RARA: variants seen among roughly 807,000 people sequenced by gnomAD.
RARA encodes PML-DDX5-RARA fusion.
In RARA, 5 loss-of-function variants were observed where a neutral mutation model predicts 42.8. That is an observed-to-expected ratio of 0.12 (90% CI 0.06 to 0.25). RARA has a LOEUF of 0.25. RARA is among the 10% of genes least tolerant of loss of function. RARA has a pLI of 1.00. For synonymous variants in RARA, 256 were observed against 259.5 expected, an observed-to-expected ratio of 0.99 and a Z score of 0.13; for missense variants, 402 against 628.7, an observed-to-expected ratio of 0.64 and a Z score of 3.86.
chr17:40,342,227 G>T (rs2034082281), intron 2 of RARA: 1 of 1,055,574 alleles, frequency 9.5e-7, no homozygotes, highest in Non-Finnish European at 1.1e-6. Context: ...GCGGAACCGC[G>T]CGGGATCCCC....
In RARA at chr17:40,351,351, G is replaced by C. The variant is rs1163437742; in HGVS notation, c.470-559G>C. The stretch of plus-strand genomic sequence containing the variant: ...ACGACCCCATCGCTTCTTTAAAGCC[G>C]AGTGGTGTGTGCGGCTCAGCGCCCC... On this transcript the variant is annotated intron_variant, in intron 4 of 8. Transcript: ENST00000254066. The surrounding 1 kb of genome is among the most constrained non-coding windows in gnomAD (Gnocchi z 4.1). The C allele has an allele frequency of 5.9e-6, 2 of 338,698 alleles. No homozygotes were observed. The highest frequency in any genetic ancestry group is 1.3e-5 in the Non-Finnish European group (2 of 157,246). The allele number at this position is 338,698 out of a possible 1,614,324, so 21.0% of individuals were successfully genotyped here.
chr17:40,316,607 C>T (rs1884851457), intron 1 of RARA, among the ~76,000 whole-genome samples: 2 of 152,200 alleles, frequency 1.3e-5, no homozygotes, highest in South Asian at 4.1e-4. Context: ...TCCGTGGGCA[C>T]TAGGGGCGGG....
intron 1 of RARA, among the ~76,000 whole-genome samples, chr17:40,316,900 G>A (rs977737084): frequency 6.6e-6 from 1 of 152,124 alleles, no homozygotes; most frequent in Non-Finnish European, 1.5e-5. Context: ...GGCGGGAAGG[G>A]GCCTGGGGAA....
At position 40,351,227 on chromosome 17, in the gene RARA, CCCCT is replaced by C. The variant is rs1483058805; in HGVS notation, c.470-678_470-675del. On this transcript the variant is annotated intron_variant, in intron 4 of 8. Transcript: ENST00000254066. The surrounding 1 kb of genome is among the most constrained non-coding windows in gnomAD (Gnocchi z 4.1). ...ATGCCAGCTACCCCCACCTCGCTACCCCCTCCCTGAGCCCCTCCCCCACCCTCCC... is the reference window on the plus strand; with the variant it reads ...ATGCCAGCTACCCCCACCTCGCTACCCCCTGAGCCCCTCCCCCACCCTCCC... 6.6e-6 allele frequency among the ~76,000 whole-genome samples: 1 copy of C among 151,654 alleles called. No homozygotes were observed. Among genetic ancestry groups the C allele is most frequent in the Non-Finnish European group, 1.5e-5 (1 of 67,914 alleles).
chr17:40,341,209 T>G (rs2034021963), intron 2 of RARA: 1 of 719,494 alleles, frequency 1.4e-6, no homozygotes, highest in Non-Finnish European at 2.0e-6. Context: ...CTCTTCCTTT[T>G]ATCTCTCCAG....
At position 40,356,138 on chromosome 17, in the gene RARA, G is replaced by A. The variant is rs553921530; in HGVS notation, c.1301G>A (p.Gly434Glu). 10 of 1,554,238 alleles carry A rather than the reference G, an allele frequency of 6.4e-6. No individual in the cohort carries two copies. In the East Asian group the frequency reaches 2.1e-4, roughly 33 times the overall value. Residue 434 changes from glycine to glutamate, a missense_variant, in exon 9 of 9, where the codon GGG (glycine) becomes GAG (glutamate). By Grantham distance (98) the Gly-to-Glu change is moderately conservative (BLOSUM62 -2). This residue lies in a region of RARA where 73 missense variants were observed against 59.8 expected (regional missense o/e 1.22). Coordinates refer to ENST00000254066, the MANE Select transcript of RARA (RefSeq NM_000964.4). The part of the protein sequence containing the change: ...SGQPGGGGRD[G>E]GGLAPPPGSC... ...CAGCCGGGGGGTGGGGGGCGGGACG[G>A]GGGTGGCCTGGCCCCCCCGCCAGGC...
chr17:40,328,704 C>T (rs558796368), intron 1 of RARA, among the ~76,000 whole-genome samples: 19 of 152,248 alleles, frequency 1.2e-4, no homozygotes, highest in East Asian at 1.9e-4. Flanking sequence ...TCTTTGTAAC[C>T]GGTATAATGT....
At chr17:40,336,668 A>G (rs1170578702) in intron 2 of RARA, among the ~76,000 whole-genome samples, 1 of 151,570 alleles carries the variant, frequency 6.6e-6, no homozygotes, top group Non-Finnish European at 1.5e-5. Flanking sequence ...GATTACAGGC[A>G]TGAGCCACCG....
At chr17:40,349,589 G>C in intron 3 of RARA, 195 bp from the exon 4 acceptor site, 2 of 624,608 alleles carry the variant, frequency 3.2e-6, no homozygotes, top group Non-Finnish European at 5.4e-6. Context: ...GTTGAGGCAG[G>C]TACTGGGATT....
rs796068435 is a variant in RARA, at chr17:40,345,754, TC to T, written c.179-2557del. Among the ~76,000 whole-genome samples, 5 of 152,230 alleles carry T rather than the reference TC, an allele frequency of 3.3e-5. No homozygotes were observed. Among genetic ancestry groups the T allele is most frequent in the African/African-American group, 1.2e-4 (5 of 41,532 alleles). On this transcript the variant is annotated intron_variant, in intron 2 of 8. Coordinates refer to ENST00000254066, the MANE Select transcript of RARA (RefSeq NM_000964.4). This position sits in a 1 kb window ranked among gnomAD's most constrained non-coding sequence, Gnocchi z 4.8. ...GGATGGGCCAGGCCCGGGCAGTCCCTCCCCCGTTGGTGTCCCTCCCCACTCC... is the reference window on the plus strand; with the variant it reads ...GGATGGGCCAGGCCCGGGCAGTCCCTCCCCGTTGGTGTCCCTCCCCACTCC...
intron 2 of RARA, among the ~76,000 whole-genome samples, chr17:40,335,403 C>T (rs1419296297): frequency 6.6e-6 from 1 of 151,980 alleles, no homozygotes; most frequent in East Asian, 1.9e-4. Flanking sequence ...AAAACTTGGA[C>T]ACTGGGCTGG....
intron 2 of RARA, among the ~76,000 whole-genome samples, chr17:40,333,883 T>C (rs544933816): frequency 6.4e-4 from 98 of 152,196 alleles, no homozygotes; most frequent in African/African-American, 2.3e-3. Context: ...GCAGTCCTCC[T>C]ATCTTGGCCT....
rs2034433437 is a variant in RARA at position 40,351,226 on chromosome 17, C to T, written c.470-684C>T. On this transcript the variant is annotated intron_variant, in intron 4 of 8. Transcript: ENST00000254066. The surrounding 1 kb of genome is among the most constrained non-coding windows in gnomAD (Gnocchi z 4.1). The stretch of plus-strand genomic sequence containing the variant: ...TATGCCAGCTACCCCCACCTCGCTA[C>T]CCCCTCCCTGAGCCCCTCCCCCACC... Among the ~76,000 whole-genome samples, 2 of 150,680 alleles carry T rather than the reference C, an allele frequency of 1.3e-5. No individual in the cohort carries two copies. The highest frequency in any genetic ancestry group is 3.0e-5 in the Non-Finnish European group (2 of 67,668).
At chr17:40,342,660 C>A (rs770589965) in intron 2 of RARA, 2 of 1,566,698 alleles carry the variant, frequency 1.3e-6, no homozygotes, top group Admixed American at 3.6e-5. Context: ...ACGGGGGCGG[C>A]GCGCAGGACT....
At chr17:40,328,482 G>C (rs2033602510) in intron 1 of RARA, among the ~76,000 whole-genome samples, 2 of 152,216 alleles carry the variant, frequency 1.3e-5, no homozygotes, top group East Asian at 3.9e-4. Flanking sequence ...ACAATTCAGT[G>C]GTTTTAGTAT....
intron 1 of RARA, among the ~76,000 whole-genome samples, chr17:40,316,326 G>C (rs549466613): frequency 3.1e-4 from 47 of 152,354 alleles, no homozygotes; most frequent in African/African-American, 1.0e-3. Context: ...TCTGCTTCAT[G>C]CCCTTGTCTG....
At position 40,320,954 on chromosome 17, in the gene RARA, G is replaced by A. The variant is rs564400481; in HGVS notation, c.-362-9903G>A. On this transcript the variant is annotated intron_variant, in intron 1 of 8. Coordinates refer to ENST00000254066, the MANE Select transcript of RARA (RefSeq NM_000964.4). This position sits in a 1 kb window ranked among gnomAD's most constrained non-coding sequence, Gnocchi z 4.1. ...ATGACCAGTGTTGTCTTGACTTACTGGGTTTTGGGAAAGGAGTATGGCAAC... is the reference window on the plus strand; with the variant it reads ...ATGACCAGTGTTGTCTTGACTTACTAGGTTTTGGGAAAGGAGTATGGCAAC... Among the ~76,000 whole-genome samples, 2 of 152,250 alleles carry A rather than the reference G, an allele frequency of 1.3e-5. No homozygotes were observed. Among genetic ancestry groups the A allele is most frequent in the South Asian group, 4.1e-4 (2 of 4,822 alleles).
rs192293346 is a variant in RARA, at chr17:40,353,196, A to C, written c.807+689A>C. Among the ~76,000 whole-genome samples the C allele has an allele frequency of 2.9e-4, 44 of 152,108 alleles. No homozygotes were observed. In the East Asian group the frequency reaches 6.4e-3, roughly 22 times the overall value. On this transcript the variant is annotated intron_variant, in intron 6 of 8. Coordinates refer to ENST00000254066, the MANE Select transcript of RARA (RefSeq NM_000964.4). ...AGCCCTAACTCAGGAGCAGGAAGTGAAAGACTTGCTGCTGTGAGGCCATGC... is the reference window on the plus strand; with the variant it reads ...AGCCCTAACTCAGGAGCAGGAAGTGCAAGACTTGCTGCTGTGAGGCCATGC...
In RARA at chr17:40,355,914, C is replaced by T; in HGVS notation, c.1172-95C>T. ...ATCCCAAGAAAGATGCTAATATCAG[C>T]AGTATTGATCTTCCCACCTCGAGCC... On this transcript the variant is annotated intron_variant, in intron 8 of 8. Coordinates refer to ENST00000254066, the MANE Select transcript of RARA (RefSeq NM_000964.4). This position sits in a 1 kb window ranked among gnomAD's most constrained non-coding sequence, Gnocchi z 4.1. The T allele has an allele frequency of 7.9e-6, 8 of 1,013,826 alleles. No individual in the cohort carries two copies. The South Asian group carries it at 1.3e-4, about 16-fold the overall frequency. 62.8% of individuals were successfully genotyped at this position (1,013,826 alleles called of 1,614,324 possible).
Sources: allele counts gnomAD v4.1 joint callset (sites outside exome capture counted in the v4.1 genomes callset), GRCh38; gene constraint gnomAD v4.1.1; regional missense constraint gnomAD v4.1.1; non-coding constraint Gnocchi (gnomAD v3.1); transcripts MANE v1.5; gene names NCBI Gene and HGNC (gene_info 2026-07-23, HGNC 2026-07-21).